HEG1: variants seen among roughly 807,000 people sequenced by gnomAD.
The protein encoded by HEG1 is heart development protein with EGF like domains 1.
A neutral mutation model predicts 125.6 loss-of-function variants in HEG1; 56 were observed. That is an observed-to-expected ratio of 0.45 (90% CI 0.36 to 0.56). The LOEUF is 0.56. Among genes scored for constraint, HEG1 ranks in the 20% least tolerant of loss-of-function variants. HEG1 has a pLI of 0.00. For synonymous variants in HEG1, 644 were observed against 668.5 expected (o/e 0.96, Z 0.57); for missense variants, 1,523 against 1,670.0 (o/e 0.91, Z 1.53).
intron 12 of HEG1, among the ~76,000 whole-genome samples, chr3:124,996,335 C>T (rs1233446071): frequency 2.0e-5 from 3 of 152,130 alleles, no homozygotes; most frequent in African/African-American, 4.8e-5. Context: ...CTGCCCGCCT[C>T]GGCCTCCCAA....
At position 125,002,299 on chromosome 3, in the gene HEG1, GA is replaced by G. The variant is rs1374777360; in HGVS notation, c.3313del (p.Ser1105GlnfsTer21). ...AGATCGGATGTAACTAGGTAACGCTGAAAAACACATATTTAACTGAAAGGAA... is the reference window on the plus strand; with the variant it reads ...AGATCGGATGTAACTAGGTAACGCTGAAAACACATATTTAACTGAAAGGAA... The part of the protein sequence containing the change: ...EITKTLNMCF[S>X]ALPSYIRSTV... On this transcript the variant is annotated frameshift_variant, in exon 10 of 17. Transcript: ENST00000311127. LOFTEE classifies it high-confidence loss of function. 1 of 1,613,376 alleles carries G rather than the reference GA, an allele frequency of 6.2e-7. No homozygotes were observed. Among genetic ancestry groups the G allele is most frequent in the Non-Finnish European group, 8.5e-7 (1 of 1,179,620 alleles).
intron 9 of HEG1, among the ~76,000 whole-genome samples, chr3:125,004,570 G>A (rs1180875531): frequency 6.6e-6 from 1 of 152,032 alleles, no homozygotes; most frequent in Non-Finnish European, 1.5e-5. Flanking sequence ...GCTCACCACA[G>A]CCTCAACCTC....
intron 1 of HEG1, among the ~76,000 whole-genome samples, chr3:125,050,146 T>C (rs1271125775): frequency 2.7e-5 from 4 of 149,946 alleles, no homozygotes; most frequent in South Asian, 2.2e-4. Flanking sequence ...AACTCTCTTT[T>C]TTTTTTTTTT....
At chr3:124,977,782 C>G in intron 15 of HEG1, 77 bp downstream of exon 15, 1 of 889,662 alleles carries the variant, frequency 1.1e-6, no homozygotes, top group Middle Eastern at 2.3e-4. Context: ...CTCAAGTATC[C>G]TGTAAAAGAA....
At position 125,006,538 on chromosome 3, in the gene HEG1, C is replaced by T. The variant is rs967687922; in HGVS notation, c.3194-1170G>A. Among the ~76,000 whole-genome samples the T allele has an allele frequency of 2.6e-5, 4 of 152,192 alleles. No individual in the cohort carries two copies. The East Asian group carries it at 5.8e-4, about 22-fold the overall frequency. On this transcript the variant is annotated intron_variant, in intron 8 of 16. Coordinates refer to ENST00000311127, the MANE Select transcript of HEG1 (RefSeq NM_020733.2). The stretch of plus-strand genomic sequence containing the variant: ...AGACCCACAAATGAGCCAGGGAAAA[C>T]ATTTAACATCTTACACTTACTGTCT...
chr3:124,988,602 C>G (rs1936781698), intron 14 of HEG1, among the ~76,000 whole-genome samples: 1 of 152,092 alleles, frequency 6.6e-6, no homozygotes, highest in Non-Finnish European at 1.5e-5. Context: ...CTACACCACT[C>G]AGGGCTGCAG....
chr3:125,005,856 C>A (rs1579412271), intron 8 of HEG1, among the ~76,000 whole-genome samples: 1 of 152,286 alleles, frequency 6.6e-6, no homozygotes, highest in East Asian at 1.9e-4. Context: ...GAGTCATGCC[C>A]ACCACTTCAA....
chr3:125,003,051 G>A (rs1937021970), intron 9 of HEG1, among the ~76,000 whole-genome samples: 1 of 152,262 alleles, frequency 6.6e-6, no homozygotes, highest in Admixed American at 6.5e-5. Flanking sequence ...CTCTGCAGAA[G>A]ATGGAGGCAA....
intron 14 of HEG1, among the ~76,000 whole-genome samples, chr3:124,990,218 C>CA (rs1473771024): frequency 6.6e-6 from 1 of 152,170 alleles, no homozygotes; most frequent in East Asian, 1.9e-4. Context: ...ATCACAGTAA[C>CA]ACTCAGCACA....
intron 1 of HEG1, among the ~76,000 whole-genome samples, chr3:125,036,240 G>A (rs1230451980): frequency 1.0e-5 from 1 of 100,184 alleles, no homozygotes; most frequent in Non-Finnish European, 2.0e-5. Context: ...AAGAAATGGA[G>A]TGTGTCACTT....
intron 1 of HEG1, among the ~76,000 whole-genome samples, chr3:125,041,167 C>T (rs1365817735): frequency 1.3e-5 from 2 of 152,120 alleles, no homozygotes; most frequent in African/African-American, 2.4e-5. Flanking sequence ...AACTGATTTC[C>T]GGCGTGTGGC....
intron 1 of HEG1, among the ~76,000 whole-genome samples, chr3:125,049,653 C>T (rs1937758645): frequency 6.6e-6 from 1 of 152,214 alleles, no homozygotes. Flanking sequence ...CAGTCTACTA[C>T]TCCAGCCTTA....
intron 3 of HEG1, among the ~76,000 whole-genome samples, 165 bp from the exon 4 acceptor site, chr3:125,021,295 C>G (rs1579424011): frequency 6.6e-6 from 1 of 152,210 alleles, no homozygotes; most frequent in East Asian, 1.9e-4. Flanking sequence ...TACCAGGACA[C>G]ATGCCTGCAC....
chr3:125,032,757 A>T (rs1937512990), intron 1 of HEG1, among the ~76,000 whole-genome samples: 1 of 152,234 alleles, frequency 6.6e-6, no homozygotes, highest in Admixed American at 6.5e-5. Flanking sequence ...GAAGGCACTC[A>T]AAACCCATGC....
chr3:124,973,713 T>C lies in HEG1; in HGVS notation c.3996+18A>G. On this transcript the variant is annotated intron_variant, in intron 16 of 16. Coordinates refer to ENST00000311127, the MANE Select transcript of HEG1 (RefSeq NM_020733.2). ...GGAACCGGGGGCCCTGGGGTCATCC[T>C]GACACAGGAATACACACCGAGTAGT... The C allele has an allele frequency of 6.3e-7, 1 of 1,594,294 alleles. No individual in the cohort carries two copies. The highest frequency in any genetic ancestry group is 8.5e-7 in the Non-Finnish European group (1 of 1,170,154).
chr3:124,994,259 C>T (rs563015030), intron 12 of HEG1, among the ~76,000 whole-genome samples: 11 of 152,286 alleles, frequency 7.2e-5, no homozygotes, highest in African/African-American at 2.2e-4. Flanking sequence ...TGACAGGAGG[C>T]GGAACTCAGC....
At chr3:125,011,597 G>T (rs180937266) in intron 6 of HEG1, among the ~76,000 whole-genome samples, 122 of 152,330 alleles carry the variant, frequency 8.0e-4, no homozygotes, top group African/African-American at 2.8e-3. Flanking sequence ...ATTTCCCAGA[G>T]GTGCTCAGAT....
At chr3:124,990,080 T>C (rs1420677396) in intron 14 of HEG1, among the ~76,000 whole-genome samples, 2 of 152,042 alleles carry the variant, frequency 1.3e-5, no homozygotes, top group African/African-American at 2.4e-5. Context: ...CCTCCCCCCA[T>C]ACCCGCCAGT....
Position 124,973,903 on chromosome 3 carries a change from T to C in HEG1, c.3824A>G (p.Lys1275Arg). ...GIALIVTCCRKNKNDISKLIF... is the reference protein window; with the variant it reads ...GIALIVTCCRRNKNDISKLIF... ...GAGTTTGCTTATGTCATTTTTATTC[T>C]TTCTGTGGGATACAAAAATATTTGT... Residue 1275 changes from lysine to arginine, a missense_variant and splice_region_variant, in exon 16 of 17, where the codon AAG becomes AGG. Transcript: ENST00000311127. 6.2e-7 allele frequency: 1 copy of C among 1,605,684 alleles called. No individual in the cohort carries two copies. Among genetic ancestry groups the C allele is most frequent in the Non-Finnish European group, 8.5e-7 (1 of 1,173,940 alleles).
Sources: gnomAD v4.1 joint callset for allele counts (sites outside exome capture counted in the v4.1 genomes callset) on GRCh38, gnomAD v4.1.1 for gene constraint, MANE v1.5 for transcripts, NCBI Gene and HGNC (gene_info 2026-07-23, HGNC 2026-07-21) for gene names.